GBP3: variants seen among roughly 807,000 people sequenced by gnomAD.
GBP3 encodes the protein guanylate binding protein 3.
Under a neutral mutation model 62.4 loss-of-function variants are expected in GBP3, and 55 were observed. The ratio of observed to expected loss-of-function variants is 0.88; its 90% CI spans 0.71 to 1.10. The LOEUF (loss-of-function observed/expected upper bound fraction) is 1.10, where lower values mean the gene tolerates loss of function less well. Ranked by LOEUF, GBP3 falls within the 50% of genes least tolerant of loss-of-function variation. The pLI is 0.00. For missense variants in GBP3, 605 were observed against 690.6 expected (o/e 0.88, Z 1.39); for synonymous variants, 208 against 259.2 (o/e 0.80, Z 1.90).
At chr1:89,013,458 A>T in intron 5 of GBP3, 31 bp from the exon 6 acceptor site, 7 of 1,583,460 alleles carry the variant, frequency 4.4e-6, no homozygotes, top group Non-Finnish European at 6.0e-6. Context: ...AATTTGCCTA[A>T]TATAAGTGTT....
At chr1:89,021,537 CA>C (rs1283480272) in intron 1 of GBP3, among the ~76,000 whole-genome samples, 7 of 144,774 alleles carry the variant, frequency 4.8e-5, no homozygotes, top group South Asian at 4.6e-4. Context: ...CACACACACA[CA>C]CACACACCCC....
rs1221655829 is a variant in GBP3 at position 89,020,699 on chromosome 1, G to A, written c.23C>T (p.Thr8Ile). MAPEIHM[T>I]GPMCLIENTN... is the part of the protein sequence containing the mutation. ...GTTCTCAATGAGGCACATTGGGCCTGTCATGTGGATCTCTGGAGCCATGTC... is the reference window on the plus strand; with the variant it reads ...GTTCTCAATGAGGCACATTGGGCCTATCATGTGGATCTCTGGAGCCATGTC... Residue 8 changes from threonine to isoleucine, a missense_variant, in exon 2 of 11, where the codon ACA (threonine) becomes ATA (isoleucine). By Grantham distance (89) the Thr-to-Ile change is moderately conservative. Transcript: ENST00000370481. 6.2e-7 allele frequency: 1 copy of A among 1,614,058 alleles called. No individual in the cohort carries two copies. Among genetic ancestry groups the A allele is most frequent in the Non-Finnish European group, 8.5e-7 (1 of 1,179,942 alleles).
rs758914392 is a variant in GBP3, at chr1:89,014,545, A to G, written c.428+2T>C. On this transcript the variant is annotated splice_donor_variant, in intron 4 of 10. Transcript: ENST00000370481. LOFTEE classifies it high-confidence loss of function. ...GTGCTGTTCTGGGTCACAAAAGGAT[A>G]CTACAGTTGGTCCATAGCCTGCTGG... 6.2e-7 allele frequency: 1 copy of G among 1,614,112 alleles called. No homozygotes were observed. The highest frequency in any genetic ancestry group is 1.1e-5 in the South Asian group (1 of 91,080).
In GBP3 at chr1:89,009,102, T is replaced by A; in HGVS notation, c.1504A>T (p.Lys502Ter). 1.2e-6 allele frequency: 2 copies of A among 1,614,204 alleles called. No individual in the cohort carries two copies. The highest frequency in any genetic ancestry group is 1.7e-6 in the Non-Finnish European group (2 of 1,180,032). Residue 502 changes from lysine to a stop codon, truncating the protein, a stop_gained, in exon 10 of 11, where the codon AAA becomes TAA. Transcript: ENST00000370481. LOFTEE classifies it high-confidence loss of function. ...TTTATTTGCATTTCCTCCACCATTT[T>A]TGCTGAAGCCTGTGCAGATTCAGCT... ...VKAESAQASAKMVEEMQIKYQ... is the reference protein window; with the variant it reads ...VKAESAQASA
chr1:89,011,256 T>G, intron 7 of GBP3, 140 bp from the exon 8 acceptor site: 1 of 1,123,758 alleles, frequency 8.9e-7, no homozygotes, highest in Non-Finnish European at 1.3e-6. Context: ...GACCACGCTC[T>G]TACTCCTGAC....
At position 89,012,084 on chromosome 1, in the gene GBP3, G is replaced by T. The variant is rs1426997737; in HGVS notation, c.869-57C>A. ...TGTACTAAAGAAAACTCTCTATTCT[G>T]TGTAATTCTGAACATGTCAATTTCC... is the stretch of plus-strand genomic sequence containing the variant. On this transcript the variant is annotated intron_variant, in intron 6 of 10. Coordinates refer to ENST00000370481, the MANE Select transcript of GBP3 (RefSeq NM_018284.3). The T allele has an allele frequency of 8.8e-6, 12 of 1,362,052 alleles. 4 individuals carry two copies. Among genetic ancestry groups the T allele is most frequent in the Non-Finnish European group, 1.2e-5 (12 of 977,438 alleles). 84.4% of individuals were successfully genotyped at this position (1,362,052 alleles called of 1,614,324 possible).
chr1:89,007,866 A>G lies in GBP3; in HGVS notation c.1660-14T>C. 6.2e-7 allele frequency: 1 copy of G among 1,608,146 alleles called. No individual in the cohort carries two copies. The highest frequency in any genetic ancestry group is 8.5e-7 in the Non-Finnish European group (1 of 1,177,792). The stretch of plus-strand genomic sequence containing the variant: ...TCGGGCCTGTTCCTAAAAAGGGACA[A>G]ATGGAGGCTAAATAAGTGTAGCATT... On this transcript the variant is annotated splice_polypyrimidine_tract_variant and intron_variant, in intron 10 of 10. Transcript: ENST00000370481.
chr1:89,009,177 T>G, intron 9 of GBP3, 37 bp from the exon 10 acceptor site: 1 of 1,598,646 alleles, frequency 6.3e-7, no homozygotes, highest in Non-Finnish European at 8.6e-7. Context: ...TGGAGTTATC[T>G]TGTTGCCTCA....
intron 1 of GBP3, among the ~76,000 whole-genome samples, chr1:89,022,192 A>G (rs1679277872): frequency 6.6e-6 from 1 of 152,192 alleles, no homozygotes; most frequent in Non-Finnish European, 1.5e-5. Flanking sequence ...GCTGGGTTTC[A>G]GTTTTTTCTT....
chr1:89,007,986 T>A, intron 10 of GBP3, 134 bp from the exon 11 acceptor site: 1 of 816,116 alleles, frequency 1.2e-6, no homozygotes, highest in Non-Finnish European at 1.8e-6. Context: ...TGATTTTAAT[T>A]ATAGTTTTTC....
In GBP3 at chr1:89,013,172, G is replaced by A. The variant is rs776806694; in HGVS notation, c.868+13C>T. 4.3e-6 allele frequency: 7 copies of A among 1,611,008 alleles called. No homozygotes were observed. Among genetic ancestry groups the A allele is most frequent in the Non-Finnish European group, 5.9e-6 (7 of 1,177,686 alleles). On this transcript the variant is annotated intron_variant, in intron 6 of 10. Coordinates refer to ENST00000370481, the MANE Select transcript of GBP3 (RefSeq NM_018284.3). ...TTTTAACAATGAGTGGAAGTACTAC[G>A]AAGGGGACTTACGAGGCCCATTGAC...
chr1:89,021,861 G>A (rs190887626), intron 1 of GBP3, among the ~76,000 whole-genome samples: 371 of 144,218 alleles, frequency 2.6e-3, no homozygotes, highest in Middle Eastern at 4.2e-3. Flanking sequence ...TGTCAGACAA[G>A]GTGATGAGTG....
Position 89,014,547 on chromosome 1 carries a change from T to C in GBP3, c.428A>G (p.Tyr143Cys). ...TINQQAMDQLYYVTELTHRIR... is the reference protein window; with the variant it reads ...TINQQAMDQLCYVTELTHRIR... ...GCTGTTCTGGGTCACAAAAGGATAC[T>C]ACAGTTGGTCCATAGCCTGCTGGTT... The change falls in exon 4 of 11, where the codon TAC becomes TGC. Residue 143 changes from tyrosine to cysteine, a missense_variant and splice_region_variant. Coordinates refer to ENST00000370481, the MANE Select transcript of GBP3 (RefSeq NM_018284.3). 1 of 1,614,142 alleles carries C rather than the reference T, an allele frequency of 6.2e-7. No individual in the cohort carries two copies. The highest frequency in any genetic ancestry group is 1.1e-5 in the South Asian group (1 of 91,086).
At chr1:89,008,922 A>G (rs760746460) in intron 10 of GBP3, 25 bp downstream of exon 10, 4 of 1,613,874 alleles carry the variant, frequency 2.5e-6, no homozygotes, top group Non-Finnish European at 3.4e-6. Context: ...AGAAAAACGA[A>G]CCACAAGGTG....
At chr1:89,007,969 C>G (rs1280894581) in intron 10 of GBP3, 117 bp from the exon 11 acceptor site, 6 of 910,092 alleles carry the variant, frequency 6.6e-6, no homozygotes, top group African/African-American at 1.7e-5. Flanking sequence ...GAAATTTTCT[C>G]TACCCTTGAT....
chr1:89,021,542 A>C (rs551352298), intron 1 of GBP3, among the ~76,000 whole-genome samples: 27 of 125,600 alleles, frequency 2.1e-4, no homozygotes, highest in East Asian at 1.1e-3. Flanking sequence ...ACACACACAC[A>C]CACCCCAAAA....
At chr1:89,013,137 C>T in intron 6 of GBP3, 48 bp downstream of exon 6, 1 of 1,587,514 alleles carries the variant, frequency 6.3e-7, no homozygotes, top group Non-Finnish European at 8.6e-7. Flanking sequence ...CATGCCTGGC[C>T]ATCCTTTAGT....
intron 5 of GBP3, 163 bp from the exon 6 acceptor site, chr1:89,013,590 A>G: frequency 1.4e-6 from 1 of 711,460 alleles, no homozygotes; most frequent in Middle Eastern, 4.1e-4. Context: ...ATGAATGGGC[A>G]TAGCATTCTT....
At position 89,013,381 on chromosome 1, in the gene GBP3, G is replaced by C; in HGVS notation, c.672C>G (p.Ile224Met). ...ATTTTTTCTTTGGGAAGAACTTCCG[G>C]ATACAGAGTCGGGGCAGATTAAAAT... ...DKNFNLPRLC[I>M]RKFFPKKKCF... is the part of the protein sequence containing the mutation. Residue 224 changes from isoleucine (I) to methionine (M), a missense_variant, in exon 6 of 11, where the codon ATC becomes ATG. Transcript: ENST00000370481. 1 of 1,614,068 alleles carries C rather than the reference G, an allele frequency of 6.2e-7. No homozygotes were observed. Among genetic ancestry groups the C allele is most frequent in the East Asian group, 2.2e-5 (1 of 44,882 alleles).
Sources: gnomAD v4.1 joint callset for allele counts (sites outside exome capture counted in the v4.1 genomes callset) on GRCh38, gnomAD v4.1.1 for gene constraint, MANE v1.5 for transcripts, NCBI Gene and HGNC (gene_info 2026-07-23, HGNC 2026-07-21) for gene names.